Variants in RALYL observed in about 807,000 individuals in gnomAD.
The protein encoded by RALYL is RNA-binding Raly-like protein.
A neutral mutation model predicts 35.1 loss-of-function variants in RALYL; 29 were observed. The observed-to-expected ratio is 0.83, with a 90% CI of 0.61 to 1.13. The LOEUF (loss-of-function observed/expected upper bound fraction) is 1.13. Among genes scored for constraint, RALYL ranks in the 50% most tolerant of loss-of-function variants. The probability of loss-of-function intolerance (pLI) is 0.00; values close to 1 mark genes in which losing one functional copy is unlikely to be tolerated. For synonymous variants in RALYL, 120 were observed against 127.6 expected, an observed-to-expected ratio of 0.94 and a Z score of 0.40; for missense variants, 359 against 360.4, an observed-to-expected ratio of 1.00 and a Z score of 0.03.
intron 2 of RALYL, among the ~76,000 whole-genome samples, chr8:84,576,622 C>G (rs935895803): frequency 6.6e-6 from 1 of 152,152 alleles, no homozygotes; most frequent in Non-Finnish European, 1.5e-5. Context: ...ATGGCCTACA[C>G]CTCACTATAC....
intron 4 of RALYL, among the ~76,000 whole-genome samples, chr8:84,840,510 C>T (rs1437034942): frequency 2.6e-5 from 4 of 152,282 alleles, no homozygotes; most frequent in Middle Eastern, 6.8e-3. Flanking sequence ...CTGAAAGTGA[C>T]TGGGAGAATG....
In RALYL at chr8:84,529,291, T is replaced by G; in HGVS notation, c.-23-8T>G. ...TATTTGTTTTGTTTGTTTGTTTGTT[T>G]GTTTAAGGATTAAAGCAAGGAGAGC... On this transcript the variant is annotated splice_polypyrimidine_tract_variant and splice_region_variant and intron_variant, in intron 1 of 8. Transcript: ENST00000521268. The G allele has an allele frequency of 1.3e-6, 2 of 1,550,382 alleles. No individual in the cohort carries two copies. Among genetic ancestry groups the G allele is most frequent in the Non-Finnish European group, 1.7e-6 (2 of 1,145,042 alleles).
chr8:84,284,485 A>G (rs2132126384), intron 1 of RALYL, among the ~76,000 whole-genome samples: 1 of 152,304 alleles, frequency 6.6e-6, no homozygotes, highest in Admixed American at 6.5e-5. Flanking sequence ...TAAGTAATGA[A>G]ATCTTTAGAT....
chr8:84,671,517 C>T (rs564774448), intron 2 of RALYL, among the ~76,000 whole-genome samples: 7 of 152,316 alleles, frequency 4.6e-5, no homozygotes, highest in East Asian at 1.9e-4. Flanking sequence ...TGAACATCCA[C>T]GTGTTTCCAT....
intron 8 of RALYL, among the ~76,000 whole-genome samples, chr8:84,907,889 C>A (rs1271054541): frequency 1.3e-5 from 2 of 151,918 alleles, no homozygotes; most frequent in South Asian, 2.1e-4. Flanking sequence ...ATATTTGTGA[C>A]CAAAAAACCC....
At chr8:84,219,321 C>T (rs985736180) in intron 1 of RALYL, among the ~76,000 whole-genome samples, 4 of 151,964 alleles carry the variant, frequency 2.6e-5, no homozygotes, top group African/African-American at 9.7e-5. Flanking sequence ...TCTCCTTCCT[C>T]CCTCCTTGTG....
intron 1 of RALYL, among the ~76,000 whole-genome samples, chr8:84,204,286 A>G (rs897024699): frequency 1.3e-5 from 2 of 152,110 alleles, no homozygotes; most frequent in Non-Finnish European, 2.9e-5. Context: ...CCACAAAAAT[A>G]TATCTTTTTA....
chr8:84,445,696 G>A (rs1587337152), intron 1 of RALYL, among the ~76,000 whole-genome samples: 1 of 151,354 alleles, frequency 6.6e-6, no homozygotes. Flanking sequence ...ATTTTGTCAG[G>A]ATTAAATTAC....
At position 84,774,607 on chromosome 8, in the gene RALYL, A is replaced by G. The variant is rs1312507574; in HGVS notation, c.285A>G (p.Pro95=). Residue 95 remains proline (P), a synonymous_variant, in exon 3 of 9, where the codon CCA becomes CCG. Transcript: ENST00000521268. ...TCAACATGGCAGGAGAGCCCAAACC[A>G]TACAGACCAAAACCTGGAAACAAGA... The part of the protein sequence containing the change: ...LDINMAGEPK[P]YRPKPGNKRP... The G allele has an allele frequency of 1.9e-6, 3 of 1,608,918 alleles. No homozygotes were observed. The highest frequency in any genetic ancestry group is 1.7e-6 in the Non-Finnish European group (2 of 1,177,258).
At chr8:84,854,136 G>A (rs1836466194) in intron 5 of RALYL, among the ~76,000 whole-genome samples, 1 of 151,928 alleles carries the variant, frequency 6.6e-6, no homozygotes, top group East Asian at 1.9e-4. Context: ...ACCTGCAGTG[G>A]GGAGTTTGAG....
chr8:84,542,181 A>G (rs762999751), intron 2 of RALYL, among the ~76,000 whole-genome samples: 4 of 151,946 alleles, frequency 2.6e-5, no homozygotes, highest in Non-Finnish European at 4.4e-5. Flanking sequence ...TAAGTTCTGT[A>G]TACTTTACTG....
chr8:84,621,294 C>T (rs1156333988), intron 2 of RALYL, among the ~76,000 whole-genome samples: 1 of 152,190 alleles, frequency 6.6e-6, no homozygotes. Flanking sequence ...GATATAATCT[C>T]GTGGTCTGCC....
At chr8:84,390,077 C>T (rs1253469167) in intron 1 of RALYL, among the ~76,000 whole-genome samples, 1 of 151,998 alleles carries the variant, frequency 6.6e-6, no homozygotes, top group Admixed American at 6.6e-5. Context: ...TTGTCAAAGG[C>T]CTTTTCTGCA....
chr8:84,466,999 CA>C (rs1434293335), intron 1 of RALYL, among the ~76,000 whole-genome samples: 2 of 152,102 alleles, frequency 1.3e-5, no homozygotes, highest in Non-Finnish European at 2.9e-5. Flanking sequence ...TCCCCTTTAT[CA>C]TTTTTTATTG....
intron 2 of RALYL, among the ~76,000 whole-genome samples, chr8:84,573,255 G>GA (rs1460126623): frequency 6.6e-6 from 1 of 151,194 alleles, no homozygotes; most frequent in East Asian, 1.9e-4. Flanking sequence ...CTTTCCATCT[G>GA]AAAAACACCT....
intron 2 of RALYL, among the ~76,000 whole-genome samples, chr8:84,636,271 G>C (rs1564284605): frequency 6.6e-6 from 1 of 151,426 alleles, no homozygotes; most frequent in Non-Finnish European, 1.5e-5. Context: ...CCTAAAATGT[G>C]GAATTTATCA....
At chr8:84,486,118 G>A (rs1301333936) in intron 1 of RALYL, among the ~76,000 whole-genome samples, 1 of 147,780 alleles carries the variant, frequency 6.8e-6, no homozygotes, top group African/African-American at 2.5e-5. Context: ...CAGCAGCAGT[G>A]TACCTAGTGT....
chr8:84,365,866 G>A (rs1424722632), intron 1 of RALYL, among the ~76,000 whole-genome samples: 3 of 152,168 alleles, frequency 2.0e-5, no homozygotes, highest in Admixed American at 2.0e-4. Context: ...CATCTACTTA[G>A]CCAAATTGTG....
At chr8:84,460,578 T>C (rs1344984516) in intron 1 of RALYL, among the ~76,000 whole-genome samples, 1 of 151,668 alleles carries the variant, frequency 6.6e-6, no homozygotes, top group African/African-American at 2.4e-5. Flanking sequence ...AACAGTGTGG[T>C]ATAATGCAAT....
Sources: allele counts gnomAD v4.1 joint callset (sites outside exome capture counted in the v4.1 genomes callset), GRCh38; gene constraint gnomAD v4.1.1; transcripts MANE v1.5; gene names NCBI Gene and HGNC (gene_info 2026-07-23, HGNC 2026-07-21).